Variants in STRN observed in about 807,000 individuals in gnomAD.
STRN encodes the protein striatin.
In STRN, 53 loss-of-function variants were observed where a neutral mutation model predicts 96.3. The observed-to-expected ratio is 0.55, with a 90% CI of 0.44 to 0.69. The LOEUF is 0.69. Ranked by LOEUF, STRN falls within the 30% of genes least tolerant of loss-of-function variation. The pLI is 0.00. For missense variants in STRN, 987 were observed against 963.9 expected (o/e 1.02, Z -0.32); for synonymous variants, 428 against 355.9 (o/e 1.20, Z -2.28).
chr2:36,848,419 C>A lies in STRN; in HGVS notation c.*1037G>T, dbSNP rs1034997954. 31 of 152,244 alleles carry A rather than the reference C, an allele frequency of 2.0e-4. No homozygotes were observed. The highest frequency in any genetic ancestry group is 7.5e-4 in the African/African-American group (31 of 41,532). 9.4% of individuals were successfully genotyped at this position (152,244 alleles called of 1,614,324 possible). On this transcript the variant is annotated 3_prime_UTR_variant, in exon 18 of 18. Transcript: ENST00000263918. ...TCTTTGGGCTATTAATAATTATGAA[C>A]TGTTCTTGGTAGATGTCAGATAACT...
intron 3 of STRN, among the ~76,000 whole-genome samples, chr2:36,907,881 G>C (rs1669864166): frequency 6.6e-6 from 1 of 151,908 alleles, no homozygotes; most frequent in Non-Finnish European, 1.5e-5. Context: ...TTAGTTCTGT[G>C]ATATACCAAA....
chr2:36,854,437 T>C (rs749090975), intron 15 of STRN, among the ~76,000 whole-genome samples: 3 of 152,046 alleles, frequency 2.0e-5, no homozygotes, highest in Non-Finnish European at 2.9e-5. Flanking sequence ...AACAACAGGT[T>C]AGGAAGGGAA....
intron 1 of STRN, among the ~76,000 whole-genome samples, chr2:36,934,812 C>T (rs759100810): frequency 6.6e-6 from 1 of 152,176 alleles, no homozygotes; most frequent in East Asian, 1.9e-4. Context: ...CACGGTGGCT[C>T]ATGCCTGTAA....
chr2:36,880,359 G>C (rs1669036460), intron 9 of STRN, among the ~76,000 whole-genome samples: 1 of 152,228 alleles, frequency 6.6e-6, no homozygotes, highest in Admixed American at 6.5e-5. Flanking sequence ...AGGATCTCTT[G>C]AGCCCAGGAG....
At chr2:36,965,643 G>C (rs1035945332) in intron 1 of STRN, among the ~76,000 whole-genome samples, 8 of 152,130 alleles carry the variant, frequency 5.3e-5, no homozygotes, top group African/African-American at 1.7e-4. Flanking sequence ...CGTGGGAGGG[G>C]GCCGGGGGGT....
At chr2:36,882,754 G>A (rs1408725219) in intron 9 of STRN, among the ~76,000 whole-genome samples, 3 of 152,140 alleles carry the variant, frequency 2.0e-5, no homozygotes, top group Non-Finnish European at 4.4e-5. Flanking sequence ...GAGTGACAGA[G>A]TGACAGCCTG....
chr2:36,845,955 ACTCT>A lies in STRN; in HGVS notation c.*3497_*3500del, dbSNP rs144381379. On this transcript the variant is annotated 3_prime_UTR_variant, in exon 18 of 18. Coordinates refer to ENST00000263918, the MANE Select transcript of STRN (RefSeq NM_003162.4). ...CACACACACACACACACACACACTA[ACTCT>A]CTCTCTCTCTCTGTGCCCCCCCTCC... 7.7e-4 allele frequency: 63 copies of A among 81,884 alleles called. No individual in the cohort carries two copies. The South Asian group carries it at 0.014, about 19-fold the overall frequency. 5.1% of individuals were successfully genotyped at this position (81,884 alleles called of 1,614,324 possible).
intron 14 of STRN, among the ~76,000 whole-genome samples, chr2:36,857,162 C>A (rs868234985): frequency 2.0e-5 from 3 of 151,004 alleles, no homozygotes; most frequent in African/African-American, 7.3e-5. Context: ...CCTGGCCTCT[C>A]GTGATCCTCC....
At position 36,933,306 on chromosome 2, in the gene STRN, A is replaced by G. The variant is rs139164840; in HGVS notation, c.235-8098T>C. Among the ~76,000 whole-genome samples, 4 of 152,334 alleles carry G rather than the reference A, an allele frequency of 2.6e-5. No homozygotes were observed. The East Asian group carries it at 7.7e-4, about 29-fold the overall frequency. ...ATATGCAAATACTACACCACCTTAT[A>G]TAAGAAAATTGGAACTTGAGCATCC... On this transcript the variant is annotated intron_variant, in intron 1 of 17. Coordinates refer to ENST00000263918, the MANE Select transcript of STRN (RefSeq NM_003162.4).
intron 13 of STRN, among the ~76,000 whole-genome samples, chr2:36,860,498 T>C (rs777160244): frequency 7.9e-5 from 12 of 152,216 alleles, no homozygotes; most frequent in Non-Finnish European, 1.3e-4. Context: ...GAAATTAAAA[T>C]GCTTTTATGA....
At chr2:36,954,797 C>T (rs949952696) in intron 1 of STRN, among the ~76,000 whole-genome samples, 8 of 151,886 alleles carry the variant, frequency 5.3e-5, no homozygotes, top group Non-Finnish European at 1.0e-4. Context: ...GCCACAACGC[C>T]CAGCTAATTT....
At chr2:36,874,318 T>C (rs937483460) in intron 10 of STRN, among the ~76,000 whole-genome samples, 1 of 149,478 alleles carries the variant, frequency 6.7e-6, no homozygotes, top group Admixed American at 6.6e-5. Context: ...GCTTAACTAC[T>C]GACTACAGAT....
intron 2 of STRN, 74 bp downstream of exon 2, chr2:36,925,031 G>A: frequency 7.3e-7 from 1 of 1,376,420 alleles, no homozygotes; most frequent in Admixed American, 1.7e-5. Context: ...ACCCCAGCCT[G>A]GGCAACAAGA....
intron 9 of STRN, among the ~76,000 whole-genome samples, chr2:36,883,546 C>T (rs1039074695): frequency 6.6e-6 from 1 of 152,172 alleles, no homozygotes; most frequent in Non-Finnish European, 1.5e-5. Flanking sequence ...TTTTAGGTGA[C>T]TTTATCCCCT....
At chr2:36,911,132 C>T (rs748321477) in intron 3 of STRN, among the ~76,000 whole-genome samples, 1 of 152,058 alleles carries the variant, frequency 6.6e-6, no homozygotes, top group Non-Finnish European at 1.5e-5. Context: ...TCTATAAATC[C>T]CTAGATAACC....
chr2:36,880,250 G>T (rs546476257), intron 9 of STRN, among the ~76,000 whole-genome samples: 1 of 152,208 alleles, frequency 6.6e-6, no homozygotes, highest in Admixed American at 6.5e-5. Context: ...TTACAGGCGT[G>T]AGCCATCATG....
intron 1 of STRN, among the ~76,000 whole-genome samples, chr2:36,938,486 T>C (rs1670762913): frequency 6.6e-6 from 1 of 152,080 alleles, no homozygotes; most frequent in African/African-American, 2.4e-5. Context: ...GGAAACCTTT[T>C]CAAGGGTAGT....
chr2:36,962,729 G>C (rs980683428), intron 1 of STRN, among the ~76,000 whole-genome samples: 1 of 152,074 alleles, frequency 6.6e-6, no homozygotes, highest in African/African-American at 2.4e-5. Context: ...GGACGGTCTC[G>C]ATATCTTGAC....
chr2:36,871,262 A>G (rs533800896), intron 10 of STRN, among the ~76,000 whole-genome samples: 1 of 152,294 alleles, frequency 6.6e-6, no homozygotes, highest in East Asian at 1.9e-4. Flanking sequence ...CTCATCACTC[A>G]CTCACTGACT....
Sources: gnomAD v4.1 joint callset for allele counts (sites outside exome capture counted in the v4.1 genomes callset) on GRCh38, gnomAD v4.1.1 for gene constraint, MANE v1.5 for transcripts, NCBI Gene and HGNC (gene_info 2026-07-23, HGNC 2026-07-21) for gene names.